GPC6: variants seen among roughly 807,000 people sequenced by gnomAD.
GPC6 encodes glypican-6.
A neutral mutation model predicts 55.2 loss-of-function variants in GPC6; 14 were observed. That is an observed-to-expected ratio of 0.25 (90% CI 0.17 to 0.40). The LOEUF is 0.40. Among genes scored for constraint, GPC6 ranks in the 10% least tolerant of loss-of-function variants. GPC6 has a pLI of 1.00. For missense variants in GPC6, 641 were observed against 708.5 expected (o/e 0.90, Z 1.08); for synonymous variants, 278 against 259.6 (o/e 1.07, Z -0.68).
At chr13:94,132,108 C>T (rs1204457112) in intron 4 of GPC6, among the ~76,000 whole-genome samples, 11 of 152,024 alleles carry the variant, frequency 7.2e-5, no homozygotes, top group Admixed American at 5.9e-4. Context: ...GATTCCAGAG[C>T]GCACGGAGGC....
chr13:93,280,298 C>A (rs1268517504), intron 1 of GPC6, among the ~76,000 whole-genome samples: 1 of 152,148 alleles, frequency 6.6e-6, no homozygotes, highest in Admixed American at 6.5e-5. Context: ...GCAAACATCC[C>A]ATTCTTTGTA....
intron 2 of GPC6, among the ~76,000 whole-genome samples, chr13:93,652,833 T>C (rs80189205): frequency 0.012 from 1,867 of 152,348 alleles, 25 homozygotes; most frequent in Non-Finnish European, 0.02. Context: ...TTACATTTTG[T>C]CTATGTGTTA....
At chr13:94,299,467 C>T (rs538080132) in intron 5 of GPC6, among the ~76,000 whole-genome samples, 1 of 152,176 alleles carries the variant, frequency 6.6e-6, no homozygotes, top group Non-Finnish European at 1.5e-5. Context: ...AATCCTAACA[C>T]CTAAGGTGAT....
intron 1 of GPC6, among the ~76,000 whole-genome samples, chr13:93,496,221 T>C (rs1001887408): frequency 9.8e-5 from 15 of 152,322 alleles, no homozygotes; most frequent in Middle Eastern, 6.8e-3. Flanking sequence ...GGATATAGTC[T>C]CGTGGTGCGC....
At chr13:94,012,633 A>T (rs1882295899) in intron 3 of GPC6, among the ~76,000 whole-genome samples, 1 of 152,194 alleles carries the variant, frequency 6.6e-6, no homozygotes, top group Non-Finnish European at 1.5e-5. Flanking sequence ...TATAGGGCAT[A>T]TTTTAACATT....
chr13:93,633,565 G>A lies in GPC6; in HGVS notation c.319+88144G>A, dbSNP rs548808916. Among the ~76,000 whole-genome samples the A allele has an allele frequency of 2.6e-5, 4 of 152,114 alleles. No homozygotes were observed. In the East Asian group the frequency reaches 7.8e-4, roughly 29 times the overall value. ...GCAGGAGAATCACTTGAACCCAGCAGGCGGAGGTTGCCATGAGCCGAGATG... is the reference window on the plus strand; with the variant it reads ...GCAGGAGAATCACTTGAACCCAGCAAGCGGAGGTTGCCATGAGCCGAGATG... On this transcript the variant is annotated intron_variant, in intron 2 of 8. Coordinates refer to ENST00000377047, the MANE Select transcript of GPC6 (RefSeq NM_005708.5).
intron 1 of GPC6, among the ~76,000 whole-genome samples, chr13:93,280,947 C>A (rs932791421): frequency 6.6e-6 from 1 of 152,166 alleles, no homozygotes; most frequent in Non-Finnish European, 1.5e-5. Flanking sequence ...TAATGCTCGT[C>A]CCTTGCTCAC....
chr13:93,519,883 G>GT (rs1881342465), intron 1 of GPC6, among the ~76,000 whole-genome samples: 1 of 151,938 alleles, frequency 6.6e-6, no homozygotes, highest in African/African-American at 2.4e-5. Context: ...CTTTGCTATG[G>GT]TTTTTTATAA....
chr13:93,610,511 G>A (rs1271589713), intron 2 of GPC6, among the ~76,000 whole-genome samples: 1 of 152,140 alleles, frequency 6.6e-6, no homozygotes, highest in African/African-American at 2.4e-5. Context: ...AACAAGGGAA[G>A]CGTATCAGGA....
intron 1 of GPC6, among the ~76,000 whole-genome samples, chr13:93,325,428 G>C (rs1009652713): frequency 6.6e-6 from 1 of 152,150 alleles, no homozygotes; most frequent in Admixed American, 6.6e-5. Flanking sequence ...AATTCAGATG[G>C]TAGCAATGGG....
chr13:93,636,232 C>T (rs748652289), intron 2 of GPC6, among the ~76,000 whole-genome samples: 1 of 152,066 alleles, frequency 6.6e-6, no homozygotes, highest in Non-Finnish European at 1.5e-5. Flanking sequence ...GGTTATATAG[C>T]CAATGGTGTT....
chr13:94,245,555 G>A (rs1172422194), intron 4 of GPC6, among the ~76,000 whole-genome samples: 2 of 151,962 alleles, frequency 1.3e-5, no homozygotes, highest in Admixed American at 6.6e-5. Flanking sequence ...GGGCAAGAGA[G>A]TAAGACCCTC....
chr13:93,684,241 A>G (rs990249349), intron 2 of GPC6, among the ~76,000 whole-genome samples: 9 of 152,096 alleles, frequency 5.9e-5, no homozygotes, highest in Admixed American at 5.2e-4. Flanking sequence ...CCTGGAGTGC[A>G]GTGGTGTAAT....
At chr13:93,937,678 A>G (rs1011716282) in intron 3 of GPC6, among the ~76,000 whole-genome samples, 1 of 152,070 alleles carries the variant, frequency 6.6e-6, no homozygotes, top group African/African-American at 2.4e-5. Flanking sequence ...TCCCGGATTC[A>G]AGCGATTCTC....
At chr13:93,999,182 C>G in intron 3 of GPC6, among the ~76,000 whole-genome samples, 1 of 152,304 alleles carries the variant, frequency 6.6e-6, no homozygotes, top group Non-Finnish European at 1.5e-5. Flanking sequence ...CCTCCCCTAG[C>G]TCCCCAGCCC....
At chr13:93,979,313 G>A (rs1290165701) in intron 3 of GPC6, among the ~76,000 whole-genome samples, 2 of 142,700 alleles carry the variant, frequency 1.4e-5, no homozygotes, top group African/African-American at 5.8e-5. Context: ...GTGTGTGTGT[G>A]TGTGTTTGTG....
At chr13:93,530,034 G>C (rs1393510852) in intron 1 of GPC6, among the ~76,000 whole-genome samples, 1 of 152,192 alleles carries the variant, frequency 6.6e-6, no homozygotes, top group Non-Finnish European at 1.5e-5. Context: ...AAAGCAGTGA[G>C]CACTGCAAAA....
chr13:93,984,659 T>TA (rs1880947687), intron 3 of GPC6, among the ~76,000 whole-genome samples: 3 of 152,288 alleles, frequency 2.0e-5, no homozygotes, highest in Admixed American at 1.3e-4. Context: ...TCATTTTTGT[T>TA]AAAGAATCTT....
At chr13:93,584,087 A>G (rs928668290) in intron 2 of GPC6, among the ~76,000 whole-genome samples, 7 of 152,196 alleles carry the variant, frequency 4.6e-5, no homozygotes, top group African/African-American at 7.2e-5. Context: ...GAGTTCTATT[A>G]GGAAAGGGAA....
Sources: allele counts gnomAD v4.1 joint callset (sites outside exome capture counted in the v4.1 genomes callset), GRCh38; gene constraint gnomAD v4.1.1; transcripts MANE v1.5; gene names NCBI Gene and HGNC (gene_info 2026-07-23, HGNC 2026-07-21).